The following CASZ1 variants were observed in gnomAD, a reference collection of about 807,000 sequenced individuals.
CASZ1 encodes the protein zinc finger protein castor homolog 1.
CASZ1 carries 28 observed loss-of-function variants against 135.2 expected under a neutral mutation model. That is an observed-to-expected ratio of 0.21 (90% CI 0.15 to 0.28). CASZ1 has a LOEUF of 0.28. Among genes scored for constraint, CASZ1 ranks in the 10% least tolerant of loss-of-function variants. CASZ1 has a pLI of 1.00. For synonymous variants in CASZ1, 1,068 were observed against 1,073.4 expected (o/e 0.99, Z 0.10); for missense variants, 2,161 against 2,453.3 (o/e 0.88, Z 2.52).
At chr1:10,654,707 C>A in intron 9 of CASZ1, 116 bp from the exon 10 acceptor site, 1 of 970,508 alleles carries the variant, frequency 1.0e-6, no homozygotes, top group Non-Finnish European at 1.6e-6. Flanking sequence ...AGCTTTGGCA[C>A]CTCTGACTTC....
rs1182595331 is a variant in CASZ1 at position 10,721,546 on chromosome 1, G to C, written c.-76-16002C>G. Among the ~76,000 whole-genome samples, 4 of 152,142 alleles carry C rather than the reference G, an allele frequency of 2.6e-5. No homozygotes were observed. Among genetic ancestry groups the C allele is most frequent in the African/African-American group, 4.8e-5 (2 of 41,448 alleles). ...CCGGCTCGCAGGGAGCTTGAAACCA[G>C]GACTGGTTCCATGCGGGCATCAAGG... On this transcript the variant is annotated intron_variant, in intron 2 of 20. Coordinates refer to ENST00000377022, the MANE Select transcript of CASZ1 (RefSeq NM_001079843.3). This position sits in a 1 kb window ranked among gnomAD's most constrained non-coding sequence, Gnocchi z 5.4.
intron 2 of CASZ1, among the ~76,000 whole-genome samples, chr1:10,743,500 AG>A (rs1639969917): frequency 6.6e-6 from 1 of 151,250 alleles, no homozygotes; most frequent in Non-Finnish European, 1.5e-5. Flanking sequence ...ACCTGTACTC[AG>A]GGGGATGGGC....
intron 1 of CASZ1, among the ~76,000 whole-genome samples, chr1:10,779,735 C>CATT (rs1442475853): frequency 2.0e-5 from 3 of 152,184 alleles, no homozygotes; most frequent in Admixed American, 6.5e-5. Flanking sequence ...GTTTTTCACT[C>CATT]ATATAATAAA....
intron 1 of CASZ1, among the ~76,000 whole-genome samples, chr1:10,784,105 G>A (rs930144065): frequency 1.3e-4 from 20 of 152,130 alleles, no homozygotes; most frequent in African/African-American, 4.3e-4. Context: ...GAAAAGAAGG[G>A]CTTAAGCCCC....
chr1:10,674,213 T>C (rs1245631627), intron 4 of CASZ1, among the ~76,000 whole-genome samples: 1 of 152,226 alleles, frequency 6.6e-6, no homozygotes, highest in Non-Finnish European at 1.5e-5. Context: ...CACCCCTACC[T>C]GGGCATGAGC....
chr1:10,686,876 T>C lies in CASZ1; in HGVS notation c.16+6998A>G, dbSNP rs961800396. Among the ~76,000 whole-genome samples the C allele has an allele frequency of 3.9e-5, 6 of 152,118 alleles. No individual in the cohort carries two copies. The East Asian group carries it at 7.8e-4, about 20-fold the overall frequency. On this transcript the variant is annotated intron_variant, in intron 4 of 20. Transcript: ENST00000377022. Reference sequence around the variant, plus strand: ...CCACATTGCCCCACACCTAAAAGGATGGGGGGCAGATGCCGTGGGGCACCC... The same window carrying C: ...CCACATTGCCCCACACCTAAAAGGACGGGGGGCAGATGCCGTGGGGCACCC...
rs1420120940 is a variant in CASZ1, at chr1:10,726,914, C to G, written c.-76-21370G>C. On this transcript the variant is annotated intron_variant, in intron 2 of 20. Coordinates refer to ENST00000377022, the MANE Select transcript of CASZ1 (RefSeq NM_001079843.3). This position sits in a 1 kb window ranked among gnomAD's most constrained non-coding sequence, Gnocchi z 5.7. The stretch of plus-strand genomic sequence containing the variant: ...AATGAATCAGCACCTGCCAAACCCA[C>G]TGAGGTGTCAGGTAAATAGCACCAT... 6.6e-6 allele frequency among the ~76,000 whole-genome samples: 1 copy of G among 152,162 alleles called. No individual in the cohort carries two copies. Among genetic ancestry groups the G allele is most frequent in the African/African-American group, 2.4e-5 (1 of 41,424 alleles).
Position 10,647,334 on chromosome 1 carries a change from A to G in CASZ1, c.3497+467T>C. On this transcript the variant is annotated intron_variant, in intron 16 of 20. Transcript: ENST00000377022. The surrounding 1 kb of genome is among the most constrained non-coding windows in gnomAD (Gnocchi z 4.9). The stretch of plus-strand genomic sequence containing the variant: ...GTGAGGAGGGTCCCTTCCACCCAAG[A>G]GCTCAGACCACTGTGCAGGCCAGTG... 2 of 1,008,434 alleles carry G rather than the reference A, an allele frequency of 2.0e-6. No individual in the cohort carries two copies. The highest frequency in any genetic ancestry group is 2.4e-6 in the Non-Finnish European group (2 of 843,088). The allele number at this position is 1,008,434 out of a possible 1,614,324, so 62.5% of individuals were successfully genotyped here.
At chr1:10,674,543 G>A (rs532440036) in intron 4 of CASZ1, among the ~76,000 whole-genome samples, 106 of 152,368 alleles carry the variant, frequency 7.0e-4, no homozygotes, top group African/African-American at 2.1e-3. Context: ...TCACTTCAGC[G>A]TCTTCCCTGC....
intron 4 of CASZ1, among the ~76,000 whole-genome samples, chr1:10,691,185 C>A (rs1475497771): frequency 6.7e-6 from 1 of 148,318 alleles, no homozygotes; most frequent in Non-Finnish European, 1.5e-5. Flanking sequence ...ATTTGCATAA[C>A]CCAACCCCCT....
At chr1:10,712,414 G>A (rs371283108) in intron 2 of CASZ1, among the ~76,000 whole-genome samples, 4 of 152,068 alleles carry the variant, frequency 2.6e-5, no homozygotes, top group African/African-American at 9.7e-5. Context: ...TAAATTTTAC[G>A]GTGTGTGCAT....
Position 10,648,070 on chromosome 1 carries a change from G to C in CASZ1, c.3228C>G (p.Ala1076=), listed in dbSNP as rs760833806. The stretch of plus-strand genomic sequence containing the variant: ...AGGGGGCCATGGGAGGTTTGGTCTC[G>C]GCGGCCGAGGCCGGAAAGGCAGCCT... ...NTEAAFPASA[A]ETKPPMAPSS... The change falls in exon 16 of 21, where the codon GCC becomes GCG. Residue 1076 remains alanine, a synonymous_variant. Transcript: ENST00000377022. 26 of 1,589,846 alleles carry C rather than the reference G, an allele frequency of 1.6e-5. No homozygotes were observed. Among genetic ancestry groups the C allele is most frequent in the East Asian group, 4.5e-5 (2 of 44,106 alleles).
intron 4 of CASZ1, among the ~76,000 whole-genome samples, chr1:10,685,512 T>G (rs1638557851): frequency 6.6e-6 from 1 of 152,194 alleles, no homozygotes; most frequent in African/African-American, 2.4e-5. Context: ...CCTCTCTCTC[T>G]CATCAGAAAT....
At position 10,660,042 on chromosome 1, in the gene CASZ1, T is replaced by C; in HGVS notation, c.1000A>G (p.Lys334Glu). The C allele has an allele frequency of 1.2e-6, 2 of 1,614,132 alleles. No individual in the cohort carries two copies. Among genetic ancestry groups the C allele is most frequent in the Non-Finnish European group, 1.7e-6 (2 of 1,179,994 alleles). ...TCCAGGTCGTACTTGGATGGCTTCT[T>C]GTAGGTGCTCCCGTTCTGGGGCCGC... The part of the protein sequence containing the change: ...NLRPQNGSTY[K>E]KPSKYDLENV... Residue 334 changes from lysine (K) to glutamate (E), a missense_variant, in exon 6 of 21, where the codon AAG (lysine) becomes GAG (glutamate). Physicochemically the swap from Lys to Glu is moderately conservative, Grantham distance 56 (BLOSUM62 1). Transcript: ENST00000377022.
At chr1:10,675,327 C>T (rs959881945) in intron 4 of CASZ1, among the ~76,000 whole-genome samples, 13 of 152,172 alleles carry the variant, frequency 8.5e-5, no homozygotes, top group African/African-American at 3.1e-4. Flanking sequence ...AGGACGGGGC[C>T]AGGGTCGAGC....
chr1:10,729,104 G>A (rs368492237), intron 2 of CASZ1, among the ~76,000 whole-genome samples: 1 of 152,022 alleles, frequency 6.6e-6, no homozygotes, highest in Non-Finnish European at 1.5e-5. Context: ...GGAGTGGGGA[G>A]GAGAGGGAAG....
chr1:10,661,719 GCACA>G (rs1468643309), intron 5 of CASZ1, among the ~76,000 whole-genome samples: 1 of 147,288 alleles, frequency 6.8e-6, no homozygotes, highest in African/African-American at 2.5e-5. Context: ...ACAGTCACAT[GCACA>G]CACACACAAA....
rs369777674 is a variant in CASZ1 at position 10,639,813 on chromosome 1, C to T, written c.4409G>A (p.Gly1470Glu). Residue 1470 changes from glycine (G) to glutamate (E), a missense_variant, in exon 21 of 21, where the codon GGG becomes GAG. Coordinates refer to ENST00000377022, the MANE Select transcript of CASZ1 (RefSeq NM_001079843.3). This position sits in a 1 kb window ranked among gnomAD's most constrained non-coding sequence, Gnocchi z 4.0. ...TRENCGYKFCGRTHMYKHAQH... is the reference protein window; with the variant it reads ...TRENCGYKFCERTHMYKHAQH... ...CGCGTGCTTGTACATGTGCGTGCGC[C>T]CGCAGAACTTGTAGCCGCAGTTCTC... 1 of 1,609,552 alleles carries T rather than the reference C, an allele frequency of 6.2e-7. No homozygotes were observed. The highest frequency in any genetic ancestry group is 1.3e-5 in the African/African-American group (1 of 74,896).
Position 10,657,756 on chromosome 1 carries a change from C to G in CASZ1, c.1409+752G>C, listed in dbSNP as rs1487716459. On this transcript the variant is annotated intron_variant, in intron 7 of 20. Transcript: ENST00000377022. The surrounding 1 kb of genome is among the most constrained non-coding windows in gnomAD (Gnocchi z 5.7). Reference sequence around the variant, plus strand: ...TGGAAGATCTGCGGACAGACAGGCGCCAGCCGCTGGGTGCTGCCCCATCAG... The same window carrying G: ...TGGAAGATCTGCGGACAGACAGGCGGCAGCCGCTGGGTGCTGCCCCATCAG... Among the ~76,000 whole-genome samples the G allele has an allele frequency of 7.0e-6, 1 of 142,920 alleles. No individual in the cohort carries two copies. Among genetic ancestry groups the G allele is most frequent in the African/African-American group, 2.7e-5 (1 of 37,684 alleles). The allele number at this position is 142,920 out of a possible 152,430, so 93.8% of individuals were successfully genotyped here.
Sources: gnomAD v4.1 joint callset for allele counts (sites outside exome capture counted in the v4.1 genomes callset) on GRCh38, gnomAD v4.1.1 for gene constraint, Gnocchi (gnomAD v3.1) non-coding constraint, MANE v1.5 for transcripts, NCBI Gene and HGNC (gene_info 2026-07-23, HGNC 2026-07-21) for gene names.